Variants in AGPAT5 observed in about 807,000 individuals in gnomAD.
AGPAT5 encodes the protein 1-acyl-sn-glycerol-3-phosphate acyltransferase epsilon.
A neutral mutation model predicts 45.6 loss-of-function variants in AGPAT5; 46 were observed. The ratio of observed to expected loss-of-function variants is 1.01; its 90% CI spans 0.80 to 1.29. The LOEUF (loss-of-function observed/expected upper bound fraction) is 1.29. Among genes scored for constraint, AGPAT5 ranks in the 50% most tolerant of loss-of-function variants. The pLI is 0.00. For synonymous variants in AGPAT5, 272 were observed against 167.0 expected (o/e 1.63, Z -4.85); for missense variants, 673 against 450.7 (o/e 1.49, Z -4.47).
At chr8:6,729,975 C>T (rs1800808714) in intron 2 of AGPAT5, among the ~76,000 whole-genome samples, 1 of 152,134 alleles carries the variant, frequency 6.6e-6, no homozygotes, top group Non-Finnish European at 1.5e-5. Flanking sequence ...GTCCTAAAAA[C>T]TCATTAGTAG....
At chr8:6,730,959 C>G in intron 3 of AGPAT5, 133 bp downstream of exon 3, 1 of 481,186 alleles carries the variant, frequency 2.1e-6, no homozygotes, top group South Asian at 4.4e-5. Context: ...GCCTTGACCT[C>G]TGGGGCTCAA....
At position 6,708,797 on chromosome 8, in the gene AGPAT5, C is replaced by T. The variant is rs1272319743; in HGVS notation, c.129C>T (p.Pro43=). 2 of 1,610,546 alleles carry T rather than the reference C, an allele frequency of 1.2e-6. No homozygotes were observed. The highest frequency in any genetic ancestry group is 1.7e-5 in the Admixed American group (1 of 59,942). ...GVWRLLSAFL[P]ARFYQALDDR... is the part of the protein sequence containing the mutation. ...GGCGGCTGCTCTCCGCCTTCCTGCCCGCCCGCTTCTACCAAGCGCTGGACG... is the reference window on the plus strand; with the variant it reads ...GGCGGCTGCTCTCCGCCTTCCTGCCTGCCCGCTTCTACCAAGCGCTGGACG... The change falls in exon 1 of 8, where the codon CCC becomes CCT. Residue 43 remains proline (P), a synonymous_variant. Coordinates refer to ENST00000285518, the MANE Select transcript of AGPAT5 (RefSeq NM_018361.5).
At position 6,722,361 on chromosome 8, in the gene AGPAT5, C is replaced by G. The variant is rs370676073; in HGVS notation, c.220-2509C>G. 5.3e-5 allele frequency among the ~76,000 whole-genome samples: 8 copies of G among 152,258 alleles called. 1 individual carries two copies. Among genetic ancestry groups the G allele is most frequent in the African/African-American group, 9.6e-5 (4 of 41,550 alleles). On this transcript the variant is annotated intron_variant, in intron 1 of 7. Coordinates refer to ENST00000285518, the MANE Select transcript of AGPAT5 (RefSeq NM_018361.5). ...TTGGGTGTGGCATATTCTCTGATCT[C>G]TTTCAACAGCATCATCTATACTTAA...
chr8:6,723,984 T>TA (rs1388244662), intron 1 of AGPAT5, among the ~76,000 whole-genome samples: 1 of 152,186 alleles, frequency 6.6e-6, no homozygotes, highest in Non-Finnish European at 1.5e-5. Flanking sequence ...ATGCCCAGAA[T>TA]AAAAACTTAG....
At chr8:6,711,787 T>C (rs182466438) in intron 1 of AGPAT5, among the ~76,000 whole-genome samples, 101 of 152,310 alleles carry the variant, frequency 6.6e-4, no homozygotes, top group African/African-American at 2.4e-3. Context: ...ATTCCTTGGC[T>C]TGGGGCCCCA....
At chr8:6,739,013 T>A (rs1801148972) in intron 4 of AGPAT5, among the ~76,000 whole-genome samples, 1 of 152,028 alleles carries the variant, frequency 6.6e-6, no homozygotes, top group African/African-American at 2.4e-5. Flanking sequence ...AAGATCGAAG[T>A]TCATATTTTT....
chr8:6,752,662 C>T (rs1801693695), intron 6 of AGPAT5, among the ~76,000 whole-genome samples: 1 of 152,072 alleles, frequency 6.6e-6, no homozygotes, highest in South Asian at 2.1e-4. Flanking sequence ...TACTTTAGTG[C>T]CTACTAGAAA....
At chr8:6,754,198 C>T (rs1266205359) in intron 6 of AGPAT5, among the ~76,000 whole-genome samples, 3 of 152,132 alleles carry the variant, frequency 2.0e-5, no homozygotes, top group African/African-American at 4.8e-5. Context: ...TTCTAGTCTC[C>T]GTTCTTTCTT....
chr8:6,734,964 C>G (rs550344356), intron 4 of AGPAT5, among the ~76,000 whole-genome samples: 3 of 152,090 alleles, frequency 2.0e-5, no homozygotes, highest in Admixed American at 2.0e-4. Context: ...TGGCTCTCTT[C>G]TTTATGCCTT....
intron 1 of AGPAT5, among the ~76,000 whole-genome samples, chr8:6,718,245 G>C (rs1223409118): frequency 1.3e-5 from 2 of 152,160 alleles, no homozygotes. Context: ...GCCTTCTTGG[G>C]TGGCACAGGC....
chr8:6,747,192 G>T lies in AGPAT5; in HGVS notation c.587-478G>T, dbSNP rs145622024. Among the ~76,000 whole-genome samples the T allele has an allele frequency of 3.7e-3, 556 of 152,318 alleles. 4 individuals carry two copies. Among genetic ancestry groups the T allele is most frequent in the African/African-American group, 0.013 (536 of 41,574 alleles). On this transcript the variant is annotated intron_variant, in intron 5 of 7. Transcript: ENST00000285518. The stretch of plus-strand genomic sequence containing the variant: ...CACACAGTGGAATACTAACTATTCA[G>T]CCATAAAAAGGAATGAAGCACTGAG...
chr8:6,747,906 A>G (rs1801530619), intron 6 of AGPAT5, 78 bp downstream of exon 6: 3 of 1,430,258 alleles, frequency 2.1e-6, no homozygotes, highest in East Asian at 2.3e-5. Flanking sequence ...CAGTTTTACA[A>G]AGTAGGTTAA....
chr8:6,711,668 A>T (rs1401842614), intron 1 of AGPAT5, among the ~76,000 whole-genome samples: 1 of 152,162 alleles, frequency 6.6e-6, no homozygotes, highest in African/African-American at 2.4e-5. Flanking sequence ...AGTTCTCGTG[A>T]TTCTGGAGGC....
At position 6,724,848 on chromosome 8, in the gene AGPAT5, G is replaced by GT. The variant is rs755984092; in HGVS notation, c.220-15dup. On this transcript the variant is annotated intron_variant, in intron 1 of 7. Coordinates refer to ENST00000285518, the MANE Select transcript of AGPAT5 (RefSeq NM_018361.5). ...AGATGTTTTAAAATATCAAAGTAAT[G>GT]TTTTTTTGTTTTATCTTTTAGATAT... 2.1e-5 allele frequency: 17 copies of GT among 807,680 alleles called. No homozygotes were observed. The South Asian group carries it at 3.7e-4, about 18-fold the overall frequency. 50.0% of individuals were successfully genotyped at this position (807,680 alleles called of 1,614,324 possible).
intron 4 of AGPAT5, among the ~76,000 whole-genome samples, chr8:6,738,813 A>G (rs1801142916): frequency 6.6e-6 from 1 of 152,022 alleles, no homozygotes; most frequent in Admixed American, 6.5e-5. Flanking sequence ...CTTTTGAAGA[A>G]CATACTTTTA....
At chr8:6,736,714 G>A (rs141121408) in intron 4 of AGPAT5, among the ~76,000 whole-genome samples, 6 of 152,366 alleles carry the variant, frequency 3.9e-5, no homozygotes, top group Non-Finnish European at 8.8e-5. Context: ...CCACCCAAAC[G>A]AGATTCTGAG....
intron 1 of AGPAT5, among the ~76,000 whole-genome samples, chr8:6,710,405 A>C (rs1800118082): frequency 6.6e-6 from 1 of 152,320 alleles, no homozygotes; most frequent in East Asian, 1.9e-4. Context: ...TCCAGCACTA[A>C]TTTTCATGCA....
intron 1 of AGPAT5, among the ~76,000 whole-genome samples, chr8:6,711,881 G>C (rs746061817): frequency 1.3e-5 from 2 of 152,150 alleles, no homozygotes; most frequent in Non-Finnish European, 2.9e-5. Flanking sequence ...AAGGATGCTT[G>C]TCATTGGGTT....
chr8:6,740,046 C>G (rs1372184443), intron 4 of AGPAT5, among the ~76,000 whole-genome samples: 3 of 151,998 alleles, frequency 2.0e-5, no homozygotes, highest in South Asian at 4.1e-4. Context: ...TGTTGTTATC[C>G]TTTGTGCAGT....
Sources: allele counts gnomAD v4.1 joint callset (sites outside exome capture counted in the v4.1 genomes callset), GRCh38; gene constraint gnomAD v4.1.1; transcripts MANE v1.5; gene names NCBI Gene and HGNC (gene_info 2026-07-23, HGNC 2026-07-21).